Variants in OXR1 observed in about 807,000 individuals in gnomAD.
OXR1 encodes the protein oxidation resistance 1.
OXR1 carries 41 observed loss-of-function variants against 104.6 expected under a neutral mutation model. The observed-to-expected ratio is 0.39, with a 90% CI of 0.31 to 0.51. OXR1 has a LOEUF of 0.51. Ranked by LOEUF, OXR1 falls within the 20% of genes least tolerant of loss-of-function variation. The probability of loss-of-function intolerance (pLI) is 0.77; values close to 1 mark genes in which losing one functional copy is unlikely to be tolerated. For synonymous variants in OXR1, 348 were observed against 348.4 expected, an observed-to-expected ratio of 1.00 and a Z score of 0.01; for missense variants, 955 against 1,031.9, an observed-to-expected ratio of 0.93 and a Z score of 1.02.
intron 15 of OXR1, chr8:106,742,554 A>G (rs1384884312): frequency 5.9e-6 from 2 of 341,108 alleles, no homozygotes; most frequent in Non-Finnish European, 1.1e-5. Flanking sequence ...AGTATACTAC[A>G]AGGCTACAGT....
chr8:106,492,802 G>A (rs925706701), intron 2 of OXR1, among the ~76,000 whole-genome samples: 2 of 152,122 alleles, frequency 1.3e-5, no homozygotes, highest in Admixed American at 6.5e-5. Flanking sequence ...AATAGTATAT[G>A]TTCCATATTA....
intron 3 of OXR1, among the ~76,000 whole-genome samples, chr8:106,674,078 A>C (rs999990549): frequency 6.6e-6 from 1 of 152,132 alleles, no homozygotes; most frequent in Non-Finnish European, 1.5e-5. Flanking sequence ...GAAGAGGCCT[A>C]CCTTCCTCCA....
At chr8:106,743,417 G>T (rs1398152417) in intron 15 of OXR1, among the ~76,000 whole-genome samples, 1 of 152,178 alleles carries the variant, frequency 6.6e-6, no homozygotes, top group Non-Finnish European at 1.5e-5. Flanking sequence ...TGCCTTCCAG[G>T]TTCAAGCAAT....
intron 2 of OXR1, among the ~76,000 whole-genome samples, chr8:106,386,638 A>C (rs1244658196): frequency 6.6e-6 from 1 of 152,118 alleles, no homozygotes; most frequent in East Asian, 1.9e-4. Context: ...GCCCTCCTCC[A>C]ACCCCTAAGT....
intron 1 of OXR1, among the ~76,000 whole-genome samples, chr8:106,324,967 T>G (rs1004382651): frequency 6.6e-6 from 1 of 152,208 alleles, no homozygotes; most frequent in Non-Finnish European, 1.5e-5. Context: ...TCGTTCAACT[T>G]GAAATTTTAC....
At chr8:106,380,014 GT>G (rs1233407983) in intron 2 of OXR1, among the ~76,000 whole-genome samples, 8 of 152,158 alleles carry the variant, frequency 5.3e-5, no homozygotes, top group Non-Finnish European at 8.8e-5. Flanking sequence ...TATTCACAGA[GT>G]TTTGCTTTTA....
chr8:106,710,968 A>G (rs902299034), intron 10 of OXR1, among the ~76,000 whole-genome samples, 178 bp downstream of exon 10: 2 of 152,084 alleles, frequency 1.3e-5, no homozygotes, highest in Non-Finnish European at 2.9e-5. Context: ...TTTTAATTGC[A>G]TTCCCTTTTG....
intron 1 of OXR1, among the ~76,000 whole-genome samples, chr8:106,291,813 T>A (rs1235400132): frequency 2.6e-5 from 4 of 152,146 alleles, no homozygotes; most frequent in African/African-American, 9.7e-5. Context: ...CATGTTTTAC[T>A]AGGTGGCAGG....
intron 6 of OXR1, among the ~76,000 whole-genome samples, chr8:106,688,045 T>G (rs1463533733): frequency 6.6e-6 from 1 of 152,192 alleles, no homozygotes; most frequent in Non-Finnish European, 1.5e-5. Context: ...ATCATCTTCC[T>G]AAGATTCTTT....
intron 3 of OXR1, among the ~76,000 whole-genome samples, chr8:106,677,720 T>C (rs1033566790): frequency 6.6e-6 from 1 of 152,098 alleles, no homozygotes; most frequent in African/African-American, 2.4e-5. Context: ...TCTTTAAATA[T>C]TTAGGATACA....
intron 3 of OXR1, among the ~76,000 whole-genome samples, chr8:106,591,760 G>T (rs1819112450): frequency 6.6e-6 from 1 of 152,106 alleles, no homozygotes; most frequent in Non-Finnish European, 1.5e-5. Flanking sequence ...AACCAAAAAT[G>T]AGTTTTTCTT....
intron 1 of OXR1, among the ~76,000 whole-genome samples, chr8:106,309,551 A>G (rs1300189605): frequency 6.6e-6 from 1 of 152,026 alleles, no homozygotes; most frequent in African/African-American, 2.4e-5. Context: ...ATGGATCTCT[A>G]TTAATATAAA....
intron 1 of OXR1, among the ~76,000 whole-genome samples, chr8:106,316,770 A>G (rs6986143): frequency 0.3 from 44,434 of 145,800 alleles, 9,294 homozygotes; most frequent in African/African-American, 0.59. Flanking sequence ...CTATCTATCT[A>G]TCTATTGCTC....
chr8:106,334,129 A>T (rs1433760375), intron 1 of OXR1, among the ~76,000 whole-genome samples: 2 of 152,140 alleles, frequency 1.3e-5, no homozygotes, highest in Non-Finnish European at 2.9e-5. Context: ...TTAGGTCTTA[A>T]TTTCTTTCAA....
intron 3 of OXR1, among the ~76,000 whole-genome samples, chr8:106,532,003 A>G (rs142808481): frequency 2.7e-4 from 41 of 152,298 alleles, no homozygotes; most frequent in African/African-American, 9.1e-4. Context: ...GTAAACCTCA[A>G]TTCAGTGGAC....
chr8:106,506,467 G>T (rs1812169913), intron 2 of OXR1, among the ~76,000 whole-genome samples: 1 of 152,092 alleles, frequency 6.6e-6, no homozygotes, highest in South Asian at 2.1e-4. Context: ...CAAAAAATTA[G>T]CCGGGTGTGG....
intron 2 of OXR1, among the ~76,000 whole-genome samples, chr8:106,433,673 T>C (rs1819453334): frequency 6.6e-6 from 1 of 152,206 alleles, no homozygotes; most frequent in South Asian, 2.1e-4. Context: ...TATAATGTTC[T>C]CCGTTACAAT....
intron 3 of OXR1, among the ~76,000 whole-genome samples, chr8:106,648,723 T>G (rs1411990069): frequency 6.6e-6 from 1 of 152,176 alleles, no homozygotes; most frequent in Non-Finnish European, 1.5e-5. Flanking sequence ...AGTTTTTAGC[T>G]CCTACATTTT....
chr8:106,400,631 G>T (rs1318405890), intron 2 of OXR1, among the ~76,000 whole-genome samples: 1 of 152,060 alleles, frequency 6.6e-6, no homozygotes, highest in Non-Finnish European at 1.5e-5. Context: ...CAGATTACTT[G>T]TGACTGAAAT....
Sources: gnomAD v4.1 joint callset for allele counts (sites outside exome capture counted in the v4.1 genomes callset) on GRCh38, gnomAD v4.1.1 for gene constraint, MANE v1.5 for transcripts, NCBI Gene and HGNC (gene_info 2026-07-23, HGNC 2026-07-21) for gene names.